The following ERAP1 variants were observed in gnomAD, a reference collection of about 807,000 sequenced individuals.
ERAP1 encodes the protein endoplasmic reticulum aminopeptidase 1.
A neutral mutation model predicts 103.7 loss-of-function variants in ERAP1; 86 were observed. The ratio of observed to expected loss-of-function variants is 0.83; its 90% CI spans 0.70 to 0.99. The LOEUF is 0.99. Ranked by LOEUF, ERAP1 falls within the 50% of genes least tolerant of loss-of-function variation. ERAP1 has a pLI of 0.00. For synonymous variants in ERAP1, 398 were observed against 402.4 expected (o/e 0.99, Z 0.13); for missense variants, 1,009 against 1,128.4 (o/e 0.89, Z 1.52).
chr5:96,797,176 T>A lies in ERAP1; in HGVS notation c.797A>T (p.Lys266Met). Residue 266 changes from lysine to methionine, a missense_variant and splice_region_variant, in exon 4 of 19, where the codon AAG becomes ATG. This residue lies in a region of ERAP1 where 392 missense variants were observed against 455.2 expected (regional missense o/e 0.86). Coordinates refer to ENST00000443439, the MANE Select transcript of ERAP1 (RefSeq NM_001040458.3). Reference sequence around the variant, plus strand: ...CATATGTGACAGTCATAGGCTCACCTTGACTCCACTCTTGGTTATCTTGCT... The same window carrying A: ...CATATGTGACAGTCATAGGCTCACCATGACTCCACTCTTGGTTATCTTGCT... ...SVSKITKSGV[K>M]VSVYAVPDKI... The A allele has an allele frequency of 6.2e-7, 1 of 1,614,100 alleles. No individual in the cohort carries two copies. Among genetic ancestry groups the A allele is most frequent in the Non-Finnish European group, 8.5e-7 (1 of 1,180,006 alleles).
Position 96,803,697 on chromosome 5 carries a change from CAGA to C in ERAP1, c.227_229del (p.Phe76del), listed in dbSNP as rs1236816131. On this transcript the variant is annotated inframe_deletion, in exon 2 of 19. Coordinates refer to ENST00000443439, the MANE Select transcript of ERAP1 (RefSeq NM_001040458.3). ...TGTGATTTCTACTTTCGTGGTTCCC[CAGA>C]AGGTCAGCGTGGTAAGGTTTGCATG... 2 of 1,614,190 alleles carry C rather than the reference CAGA, an allele frequency of 1.2e-6. No homozygotes were observed. Among genetic ancestry groups the C allele is most frequent in the South Asian group, 2.2e-5 (2 of 91,078 alleles).
the ERAP1 span, among the ~76,000 whole-genome samples, chr5:96,915,354 C>G: frequency 6.6e-6 from 1 of 152,060 alleles, no homozygotes; most frequent in Non-Finnish European, 1.5e-5. Context: ...AGTTCTTGCT[C>G]AAAAAATCTT....
chr5:96,880,381 CAGA>C, the ERAP1 span: 8 of 889,754 alleles, frequency 9.0e-6, no homozygotes, highest in Middle Eastern at 7.0e-4. Flanking sequence ...ATGGGGAACC[CAGA>C]AGAAGGAAAA....
chr5:96,927,633 C>T, the ERAP1 span, among the ~76,000 whole-genome samples: 1 of 152,026 alleles, frequency 6.6e-6, no homozygotes, highest in Non-Finnish European at 1.5e-5. Flanking sequence ...ACTACAGGCG[C>T]CCGCCACCGC....
the ERAP1 span, among the ~76,000 whole-genome samples, chr5:96,823,610 C>A: frequency 6.6e-6 from 1 of 152,320 alleles, no homozygotes; most frequent in East Asian, 1.9e-4. Context: ...CTATCCCAAG[C>A]TCCTACCCTA....
At chr5:96,856,345 A>ATGT in the ERAP1 span, among the ~76,000 whole-genome samples, 2 of 15,220 alleles carry the variant, frequency 1.3e-4, no homozygotes, top group Non-Finnish European at 3.1e-4. Flanking sequence ...AAAAAAAAAA[A>ATGT]AAAAATATAT....
chr5:96,930,198 T>A, the ERAP1 span, among the ~76,000 whole-genome samples: 1 of 152,166 alleles, frequency 6.6e-6, no homozygotes, highest in Non-Finnish European at 1.5e-5. Flanking sequence ...AACCACCTGA[T>A]ATTGCCTCTA....
chr5:96,776,430 ACT>A lies in ERAP1; in HGVS notation c.2790_2791del (p.Arg930SerfsTer6). On this transcript the variant is annotated frameshift_variant, in exon 19 of 19. Coordinates refer to ENST00000443439, the MANE Select transcript of ERAP1 (RefSeq NM_001040458.3). LOFTEE classifies it high-confidence loss of function. ...TTCAAGCTTTTCACTTTGCAGCCACACTCTGATTTTATCAAAATTCTTATCCA... is the reference window on the plus strand; with the variant it reads ...TTCAAGCTTTTCACTTTGCAGCCACACTGATTTTATCAAAATTCTTATCCA... The A allele has an allele frequency of 1.2e-6, 2 of 1,613,630 alleles. No homozygotes were observed. The highest frequency in any genetic ancestry group is 8.5e-7 in the Non-Finnish European group (1 of 1,179,878).
the ERAP1 span, among the ~76,000 whole-genome samples, chr5:96,815,611 C>T: frequency 4.6e-5 from 7 of 151,976 alleles, no homozygotes; most frequent in East Asian, 1.2e-3. Flanking sequence ...GGGGTTTCTT[C>T]GTGTTGGTCA....
chr5:96,794,967 A>T, intron 5 of ERAP1, 75 bp downstream of exon 5: 1 of 1,559,548 alleles, frequency 6.4e-7, no homozygotes, highest in Non-Finnish European at 8.7e-7. Flanking sequence ...AACTACAGGG[A>T]TGTGCCAATT....
At chr5:96,828,317 C>G in the ERAP1 span, among the ~76,000 whole-genome samples, 1 of 151,896 alleles carries the variant, frequency 6.6e-6, no homozygotes, top group African/African-American at 2.4e-5. Flanking sequence ...CAACTACCAA[C>G]GTAAATGAAT....
At chr5:96,927,705 C>G in the ERAP1 span, among the ~76,000 whole-genome samples, 1 of 152,154 alleles carries the variant, frequency 6.6e-6, no homozygotes. Flanking sequence ...CCAGGATGGT[C>G]TCAATCTCCT....
chr5:96,882,449 A>G, the ERAP1 span, among the ~76,000 whole-genome samples: 1 of 152,200 alleles, frequency 6.6e-6, no homozygotes, highest in Non-Finnish European at 1.5e-5. Flanking sequence ...TAGGTCTGAC[A>G]TGTATGATAA....
rs1777002633 is a variant in ERAP1, at chr5:96,793,795, G to A, written c.1074+8C>T. ...TATACTTTATTAAAAGTGTGAATGA[G>A]CTTATACCTGGTGAGCCAGTTCATG... On this transcript the variant is annotated splice_region_variant and intron_variant, in intron 6 of 18. Coordinates refer to ENST00000443439, the MANE Select transcript of ERAP1 (RefSeq NM_001040458.3). 6.2e-7 allele frequency: 1 copy of A among 1,610,862 alleles called. No homozygotes were observed. Among genetic ancestry groups the A allele is most frequent in the Non-Finnish European group, 8.5e-7 (1 of 1,177,432 alleles).
At chr5:96,880,316 C>T in the ERAP1 span, 8 of 1,457,502 alleles carry the variant, frequency 5.5e-6, no homozygotes, top group Non-Finnish European at 7.4e-6. Flanking sequence ...TTACGAGTTA[C>T]ATCTCTTTGC....
the ERAP1 span, among the ~76,000 whole-genome samples, chr5:96,921,591 T>TC: frequency 6.6e-6 from 1 of 152,202 alleles, no homozygotes; most frequent in Non-Finnish European, 1.5e-5. Flanking sequence ...AATCTTTCCT[T>TC]CCCAACCATA....
the ERAP1 span, among the ~76,000 whole-genome samples, chr5:96,818,938 A>ATTTT: frequency 1.4e-5 from 2 of 143,956 alleles, no homozygotes; most frequent in Admixed American, 7.0e-5. Flanking sequence ...TTATTTATTT[A>ATTTT]TTTTTGAGAC....
chr5:96,765,205 A>C (rs370994304), intron 19 of ERAP1: 49 of 1,462,330 alleles, frequency 3.4e-5, no homozygotes. Flanking sequence ...CTAATTCAGC[A>C]TTATTTACTT....
intron 19 of ERAP1, chr5:96,765,316 TA>T: frequency 1.2e-6 from 1 of 830,212 alleles, no homozygotes; most frequent in Non-Finnish European, 1.6e-6. Context: ...CAATGGAAGA[TA>T]AAGTAAAGGT....
Sources: allele counts gnomAD v4.1 joint callset (sites outside exome capture counted in the v4.1 genomes callset), GRCh38; gene constraint gnomAD v4.1.1; regional missense constraint gnomAD v4.1.1; transcripts MANE v1.5; gene names NCBI Gene and HGNC (gene_info 2026-07-23, HGNC 2026-07-21).